Variants in MAST4 observed in about 807,000 individuals in gnomAD.
MAST4 encodes microtubule-associated serine/threonine-protein kinase 4.
In MAST4, 89 loss-of-function variants were observed where a neutral mutation model predicts 162.7. The observed-to-expected ratio is 0.55, with a 90% confidence interval of 0.46 to 0.65. The LOEUF (loss-of-function observed/expected upper bound fraction) is 0.65. MAST4 is among the 30% of genes least tolerant of loss of function. MAST4 has a pLI of 0.00. For missense variants in MAST4, 3,153 were observed against 3,374.0 expected (o/e 0.93, Z 1.62); for synonymous variants, 1,479 against 1,361.1 (o/e 1.09, Z -1.91).
At chr5:67,143,212 G>A (rs138959433) in intron 21 of MAST4, among the ~76,000 whole-genome samples, 1 of 150,372 alleles carries the variant, frequency 6.7e-6, no homozygotes, top group African/African-American at 2.5e-5. Flanking sequence ...CGTAAGCCCA[G>A]CAGTTCAAGA....
intron 1 of MAST4, among the ~76,000 whole-genome samples, chr5:66,731,992 G>A (rs1400162549): frequency 6.6e-6 from 1 of 151,826 alleles, no homozygotes; most frequent in African/African-American, 2.4e-5. Flanking sequence ...CCAAGTATCT[G>A]CCCAAGTGTT....
chr5:66,693,824 G>C (rs1267660394), intron 1 of MAST4, among the ~76,000 whole-genome samples: 2 of 152,134 alleles, frequency 1.3e-5, no homozygotes, highest in African/African-American at 4.8e-5. Flanking sequence ...TGTGGAAAGA[G>C]AAACAAGCTA....
intron 4 of MAST4, among the ~76,000 whole-genome samples, chr5:66,920,377 A>G (rs1764453441): frequency 6.6e-6 from 1 of 152,326 alleles, no homozygotes; most frequent in Middle Eastern, 3.4e-3. Flanking sequence ...TAAATTCCAC[A>G]TTGTTAATTT....
intron 5 of MAST4, among the ~76,000 whole-genome samples, chr5:67,078,925 T>TATAATATATATATATATATATA: frequency 1.2e-5 from 1 of 86,254 alleles, no homozygotes; most frequent in Admixed American, 1.5e-4. Context: ...TATATATATA[T>TATAATATATATATATATATATA]ATATATATAT....
chr5:66,777,505 C>G (rs1233781541), intron 2 of MAST4, among the ~76,000 whole-genome samples: 2 of 152,100 alleles, frequency 1.3e-5, no homozygotes, highest in African/African-American at 4.8e-5. Context: ...TGATAGTAGT[C>G]AGGGTTTGAT....
At chr5:66,634,955 T>A (rs1345480796) in intron 1 of MAST4, among the ~76,000 whole-genome samples, 2 of 152,228 alleles carry the variant, frequency 1.3e-5, no homozygotes, top group East Asian at 3.9e-4. Flanking sequence ...TGTGGCCAGA[T>A]GTGCAGAAAA....
intron 1 of MAST4, among the ~76,000 whole-genome samples, chr5:66,620,333 A>G (rs1251348679): frequency 1.3e-5 from 2 of 152,178 alleles, no homozygotes; most frequent in Non-Finnish European, 2.9e-5. Flanking sequence ...ATATGAAGTT[A>G]TGCCTACAAA....
chr5:67,022,333 C>A (rs114994432), intron 4 of MAST4, among the ~76,000 whole-genome samples: 1 of 151,858 alleles, frequency 6.6e-6, no homozygotes, highest in Non-Finnish European at 1.5e-5. Context: ...ACTTGAGGTG[C>A]CTTCCAAGTT....
chr5:66,615,995 C>A (rs62362274), intron 1 of MAST4, among the ~76,000 whole-genome samples: 2 of 152,196 alleles, frequency 1.3e-5, no homozygotes, highest in African/African-American at 4.8e-5. Context: ...TCTCCCCTTT[C>A]CAGTCTGCCA....
In MAST4 at chr5:66,631,260, G is replaced by T. The variant is rs191349980; in HGVS notation, c.363+34242G>T. Among the ~76,000 whole-genome samples the T allele has an allele frequency of 7.0e-4, 106 of 152,224 alleles. 2 individuals are homozygous for T. Among genetic ancestry groups the T allele is most frequent in the Non-Finnish European group, 5.9e-5 (4 of 68,004 alleles). On this transcript the variant is annotated intron_variant, in intron 1 of 28. Transcript: ENST00000403625. ...GGACTGAACTGACTTTTTGTTTGTT[G>T]TCTTCTGGTCCTTTACCTGTGTCCT... is the stretch of plus-strand genomic sequence containing the variant.
At chr5:66,672,878 C>G (rs1172631736) in intron 1 of MAST4, among the ~76,000 whole-genome samples, 2 of 152,206 alleles carry the variant, frequency 1.3e-5, no homozygotes, top group Non-Finnish European at 2.9e-5. Flanking sequence ...ATTGATCTCT[C>G]TAGTGGCCTA....
At chr5:67,072,492 C>G (rs1231737128) in intron 5 of MAST4, among the ~76,000 whole-genome samples, 1 of 152,086 alleles carries the variant, frequency 6.6e-6, no homozygotes, top group Admixed American at 6.6e-5. Context: ...AAAATCTTTC[C>G]CCATTAATAT....
At chr5:66,866,422 C>T (rs1408384500) in intron 3 of MAST4, among the ~76,000 whole-genome samples, 3 of 152,196 alleles carry the variant, frequency 2.0e-5, no homozygotes, top group Admixed American at 2.0e-4. Flanking sequence ...TTCTAAACGG[C>T]ACATTTCTTT....
intron 1 of MAST4, among the ~76,000 whole-genome samples, chr5:66,755,604 C>T (rs1470036980): frequency 6.6e-6 from 1 of 152,128 alleles, no homozygotes; most frequent in East Asian, 1.9e-4. Context: ...TAGATCGAGG[C>T]TTGTAAATGA....
intron 4 of MAST4, chr5:67,002,166 T>G (rs1025463610): frequency 6.6e-6 from 1 of 152,144 alleles, no homozygotes; most frequent in African/African-American, 2.4e-5. Context: ...TGTAAAGACC[T>G]GAGGAATGTT....
At chr5:66,855,204 G>A (rs1195935917) in intron 3 of MAST4, among the ~76,000 whole-genome samples, 1 of 152,132 alleles carries the variant, frequency 6.6e-6, no homozygotes, top group Admixed American at 6.5e-5. Context: ...TTGGTGATGA[G>A]TGAGCTTTTG....
chr5:67,069,581 T>G (rs1481945588), intron 5 of MAST4, among the ~76,000 whole-genome samples: 4 of 152,086 alleles, frequency 2.6e-5, no homozygotes, highest in Non-Finnish European at 1.5e-5. Context: ...ATGTTCTGGA[T>G]ATGCACTCCG....
chr5:66,848,632 A>G (rs1467303634), intron 3 of MAST4, among the ~76,000 whole-genome samples: 1 of 152,198 alleles, frequency 6.6e-6, no homozygotes, highest in Non-Finnish European at 1.5e-5. Context: ...AATTGTTCTC[A>G]TCTGTCGACT....
At chr5:66,731,528 A>G (rs918888858) in intron 1 of MAST4, among the ~76,000 whole-genome samples, 3 of 152,224 alleles carry the variant, frequency 2.0e-5, no homozygotes, top group African/African-American at 7.2e-5. Flanking sequence ...GGTGCCCATC[A>G]TTCTATTCAG....
Sources: allele counts gnomAD v4.1 joint callset (sites outside exome capture counted in the v4.1 genomes callset), GRCh38; gene constraint gnomAD v4.1.1; transcripts MANE v1.5; gene names NCBI Gene and HGNC (gene_info 2026-07-23, HGNC 2026-07-21).